Variants in VTA1 observed in about 807,000 individuals in gnomAD.
VTA1 encodes vesicle trafficking 1, also known as vacuolar protein sorting-associated protein VTA1 homolog.
Under a neutral mutation model 36.9 loss-of-function variants are expected in VTA1, and 24 were observed. The ratio of observed to expected loss-of-function variants is 0.65; its 90% confidence interval spans 0.47 to 0.91. VTA1 has a LOEUF of 0.91. VTA1 is among the 40% of genes least tolerant of loss of function. The probability of loss-of-function intolerance (pLI) is 0.00; values close to 1 mark genes in which losing one functional copy is unlikely to be tolerated. For missense variants in VTA1, 393 were observed against 377.2 expected (o/e 1.04, Z -0.35); for synonymous variants, 142 against 130.2 (o/e 1.09, Z -0.62).
intron 2 of VTA1, among the ~76,000 whole-genome samples, chr6:142,166,599 G>A (rs777969609): frequency 7.3e-5 from 11 of 151,528 alleles, no homozygotes; most frequent in Non-Finnish European, 1.5e-4. Context: ...TCCTTTTATA[G>A]GTGAAAAACC....
At chr6:142,190,028 A>G (rs1315704110) in intron 5 of VTA1, among the ~76,000 whole-genome samples, 6 of 152,178 alleles carry the variant, frequency 3.9e-5, no homozygotes, top group Admixed American at 3.9e-4. Context: ...AAGTGCTGGG[A>G]TTACAGGCGT....
intron 7 of VTA1, among the ~76,000 whole-genome samples, chr6:142,217,546 G>A (rs575011119): frequency 1.3e-5 from 2 of 151,228 alleles, no homozygotes; most frequent in African/African-American, 2.4e-5. Flanking sequence ...TATGCTGCGT[G>A]TGTGTATTTG....
chr6:142,199,094 C>T (rs1436088466), intron 6 of VTA1, among the ~76,000 whole-genome samples: 1 of 151,496 alleles, frequency 6.6e-6, no homozygotes, highest in Non-Finnish European at 1.5e-5. Flanking sequence ...GGCATGAAAT[C>T]TCAGTAACAA....
chr6:142,164,044 A>G (rs944264819), intron 1 of VTA1, among the ~76,000 whole-genome samples: 1 of 152,154 alleles, frequency 6.6e-6, no homozygotes, highest in Non-Finnish European at 1.5e-5. Flanking sequence ...TCAGTATAGC[A>G]TAGGGTGTTG....
chr6:142,169,719 A>G (rs1774993230), intron 3 of VTA1, 42 bp downstream of exon 3: 5 of 1,469,746 alleles, frequency 3.4e-6, no homozygotes, highest in Non-Finnish European at 3.6e-6. Context: ...TTAATTTTGT[A>G]ACTGTATAAC....
At chr6:142,168,740 CATTATTATTATTATTATT>C (rs3079231) in intron 2 of VTA1, among the ~76,000 whole-genome samples, 2 of 140,808 alleles carry the variant, frequency 1.4e-5, no homozygotes, top group East Asian at 2.0e-4. Flanking sequence ...TGAGAGATAT[CATTATTATTATTATTATT>C]ATTATTATTA....
intron 4 of VTA1, among the ~76,000 whole-genome samples, chr6:142,187,969 G>A (rs559863027): frequency 4.7e-5 from 7 of 147,886 alleles, no homozygotes; most frequent in African/African-American, 1.8e-4. Context: ...GTGCAGTGGC[G>A]CAGTCTTGGC....
chr6:142,208,682 A>C (rs1775843545), intron 7 of VTA1, among the ~76,000 whole-genome samples: 2 of 152,176 alleles, frequency 1.3e-5, no homozygotes, highest in Admixed American at 1.3e-4. Flanking sequence ...TTAAAACACC[A>C]AGAGATAAGA....
chr6:142,185,434 G>A (rs1482811488), intron 4 of VTA1, among the ~76,000 whole-genome samples: 1 of 152,038 alleles, frequency 6.6e-6, no homozygotes, highest in African/African-American at 2.4e-5. Context: ...AAAATTTAGG[G>A]TAATTAATTA....
At chr6:142,161,761 CTT>C (rs1275996908) in intron 1 of VTA1, among the ~76,000 whole-genome samples, 1 of 151,964 alleles carries the variant, frequency 6.6e-6, no homozygotes, top group Non-Finnish European at 1.5e-5. Context: ...TCTCAGAGTT[CTT>C]TATGAAAGAG....
At chr6:142,210,762 T>A (rs566977325) in intron 7 of VTA1, among the ~76,000 whole-genome samples, 13 of 152,114 alleles carry the variant, frequency 8.5e-5, no homozygotes, top group Non-Finnish European at 1.2e-4. Flanking sequence ...CAGAGGTTTC[T>A]CAAATAACTA....
At chr6:142,150,456 C>G (rs76203511) in intron 1 of VTA1, among the ~76,000 whole-genome samples, 1 of 152,162 alleles carries the variant, frequency 6.6e-6, no homozygotes, top group Non-Finnish European at 1.5e-5. Flanking sequence ...TTCCTACATC[C>G]TGTTCACAAT....
At chr6:142,218,133 AC>A (rs1269840644) in intron 7 of VTA1, among the ~76,000 whole-genome samples, 1 of 152,152 alleles carries the variant, frequency 6.6e-6, no homozygotes, top group Non-Finnish European at 1.5e-5. Flanking sequence ...GGTGATACTT[AC>A]ATTCCAGCTC....
At chr6:142,168,463 T>C (rs898612250) in intron 2 of VTA1, among the ~76,000 whole-genome samples, 2 of 151,988 alleles carry the variant, frequency 1.3e-5, no homozygotes, top group African/African-American at 4.8e-5. Context: ...AAAGCAGTTT[T>C]TAATTAACTA....
rs1212445959 is a variant in VTA1 at position 142,221,508 on chromosome 6, CACTTGACT to C, written c.*2866_*2873del. The C allele has an allele frequency of 1.3e-5, 2 of 152,064 alleles. No individual in the cohort carries two copies. The highest frequency in any genetic ancestry group is 4.8e-5 in the African/African-American group (2 of 41,398). 9.4% of individuals were successfully genotyped at this position (152,064 alleles called of 1,614,324 possible). Reference sequence around the variant, plus strand: ...AGGATCATAAAGCTTTTTTGTAAGACACTTGACTGGGAGCTATATGGAAAGGTTTTCAG... The same window carrying C: ...AGGATCATAAAGCTTTTTTGTAAGACGGGAGCTATATGGAAAGGTTTTCAG... On this transcript the variant is annotated 3_prime_UTR_variant, in exon 8 of 8. Coordinates refer to ENST00000367630, the MANE Select transcript of VTA1 (RefSeq NM_016485.5).
intron 7 of VTA1, among the ~76,000 whole-genome samples, chr6:142,212,632 T>C (rs777549783): frequency 3.3e-5 from 5 of 152,172 alleles, no homozygotes; most frequent in Non-Finnish European, 5.9e-5. Context: ...GACTGGGTAA[T>C]GTATGAAGAA....
At chr6:142,202,259 A>C (rs1775702143) in intron 6 of VTA1, among the ~76,000 whole-genome samples, 1 of 151,960 alleles carries the variant, frequency 6.6e-6, no homozygotes, top group Non-Finnish European at 1.5e-5. Flanking sequence ...GTACTTATCA[A>C]AATCAAGCAA....
At chr6:142,211,065 C>T (rs1053706349) in intron 7 of VTA1, among the ~76,000 whole-genome samples, 1 of 151,920 alleles carries the variant, frequency 6.6e-6, no homozygotes, top group Admixed American at 6.6e-5. Flanking sequence ...ATAAGCCAAG[C>T]ACAGAAAGAC....
At chr6:142,172,769 T>C (rs542807579) in intron 4 of VTA1, among the ~76,000 whole-genome samples, 2 of 152,282 alleles carry the variant, frequency 1.3e-5, no homozygotes, top group Admixed American at 6.5e-5. Context: ...AGTAGAACTT[T>C]GGAGAGTACC....
Sources: allele counts gnomAD v4.1 joint callset (sites outside exome capture counted in the v4.1 genomes callset), GRCh38; gene constraint gnomAD v4.1.1; transcripts MANE v1.5; gene names NCBI Gene and HGNC (gene_info 2026-07-23, HGNC 2026-07-21).